Variants in DPP8 observed in about 807,000 individuals in gnomAD.
DPP8 encodes the protein dipeptidyl peptidase 8.
DPP8 carries 31 observed loss-of-function variants against 107.5 expected under a neutral mutation model. The observed-to-expected ratio is 0.29, with a 90% CI of 0.22 to 0.39. The LOEUF is 0.39. DPP8 is among the 10% of genes least tolerant of loss of function. DPP8 has a pLI of 1.00. For synonymous variants in DPP8, 381 were observed against 356.6 expected (o/e 1.07, Z -0.77); for missense variants, 842 against 1,076.1 (o/e 0.78, Z 3.04).
chr15:65,515,841 AC>A, intron 1 of DPP8: 1 of 706,744 alleles, frequency 1.4e-6, no homozygotes, highest in Non-Finnish European at 2.3e-6. Flanking sequence ...ATTAAGATGG[AC>A]CATATGTGGC....
intron 3 of DPP8, 111 bp downstream of exon 3, chr15:65,507,132 T>G: frequency 1.8e-6 from 1 of 550,642 alleles, no homozygotes; most frequent in Non-Finnish European, 3.1e-6. Context: ...CATAAAAACA[T>G]CTTAATTTTT....
At chr15:65,448,700 TATATAAAATGTAC>T (rs2063669471) in intron 19 of DPP8, among the ~76,000 whole-genome samples, 2 of 136,144 alleles carry the variant, frequency 1.5e-5, no homozygotes, top group African/African-American at 5.5e-5. Context: ...AATATATATA[TATATAAAATGTAC>T]ATATATATAT....
chr15:65,454,189 C>T (rs2064212466), intron 17 of DPP8, 74 bp downstream of exon 17: 2 of 984,186 alleles, frequency 2.0e-6, no homozygotes, highest in African/African-American at 3.5e-5. Context: ...AGAAAATAGA[C>T]ATTTTCATAT....
intron 5 of DPP8, among the ~76,000 whole-genome samples, chr15:65,492,648 C>T (rs950333339): frequency 1.3e-5 from 2 of 152,052 alleles, no homozygotes; most frequent in South Asian, 4.2e-4. Flanking sequence ...AAGGGTAGAG[C>T]GCAGGGGTGA....
intron 19 of DPP8, among the ~76,000 whole-genome samples, chr15:65,450,071 A>T (rs1595842303): frequency 1.1e-5 from 1 of 94,930 alleles, no homozygotes; most frequent in African/African-American, 3.6e-5. Flanking sequence ...CAGTTCAAGC[A>T]GTTCTCCTGC....
intron 18 of DPP8, 150 bp from the exon 19 acceptor site, chr15:65,451,260 CATATT>C (rs2063954457): frequency 1.7e-6 from 1 of 575,124 alleles, no homozygotes; most frequent in South Asian, 2.3e-5. Flanking sequence ...AAATTTGTAA[CATATT>C]AACCAGATGC....
At chr15:65,462,963 A>C (rs1370281505) in intron 15 of DPP8, among the ~76,000 whole-genome samples, 3 of 152,208 alleles carry the variant, frequency 2.0e-5, no homozygotes, top group East Asian at 3.8e-4. Context: ...TCAAGGTATA[A>C]ACTTCTTACA....
In DPP8 at chr15:65,517,583, T is replaced by C. The variant is rs951654785; in HGVS notation, c.-109A>G. The C allele has an allele frequency of 6.6e-6, 1 of 152,416 alleles. No individual in the cohort carries two copies. The highest frequency in any genetic ancestry group is 1.5e-5 in the Non-Finnish European group (1 of 68,190). 9.4% of individuals were successfully genotyped at this position (152,416 alleles called of 1,614,324 possible). ...GCCTCCACTCCGGTCCTGGTTGCAGTGGCTTCCTCGGCGGCGGCGCCGGTG... is the reference window on the plus strand; with the variant it reads ...GCCTCCACTCCGGTCCTGGTTGCAGCGGCTTCCTCGGCGGCGGCGCCGGTG... On this transcript the variant is annotated 5_prime_UTR_variant, in exon 1 of 20. Coordinates refer to ENST00000300141, the MANE Select transcript of DPP8 (RefSeq NM_130434.5).
intron 6 of DPP8, 134 bp from the exon 7 acceptor site, chr15:65,487,952 G>A (rs1276486607): frequency 3.1e-6 from 2 of 645,476 alleles, no homozygotes; most frequent in Non-Finnish European, 5.2e-6. Flanking sequence ...CTTTTTTGTA[G>A]GAAAATATCA....
At chr15:65,454,805 G>A (rs1375136470) in intron 16 of DPP8, among the ~76,000 whole-genome samples, 4 of 152,146 alleles carry the variant, frequency 2.6e-5, no homozygotes, top group Non-Finnish European at 5.9e-5. Flanking sequence ...GATTACAGGC[G>A]TGAGCCACCA....
At chr15:65,508,205 A>C (rs2070313285) in intron 2 of DPP8, among the ~76,000 whole-genome samples, 1 of 151,894 alleles carries the variant, frequency 6.6e-6, no homozygotes, top group Admixed American at 6.6e-5. Context: ...ACACCACTGC[A>C]CTCTGGCCTG....
intron 7 of DPP8, among the ~76,000 whole-genome samples, chr15:65,487,167 G>A (rs1357157786): frequency 1.3e-5 from 2 of 148,176 alleles, no homozygotes; most frequent in African/African-American, 5.0e-5. Context: ...TTTTTTTTCT[G>A]AGATAGAGTT....
intron 2 of DPP8, among the ~76,000 whole-genome samples, chr15:65,507,730 T>C (rs2070242444): frequency 6.6e-6 from 1 of 151,956 alleles, no homozygotes; most frequent in Admixed American, 6.6e-5. Context: ...TATTCAGATC[T>C]TAGTCCCTCT....
chr15:65,453,370 C>T (rs958747701), intron 17 of DPP8, among the ~76,000 whole-genome samples: 1 of 152,126 alleles, frequency 6.6e-6, no homozygotes, highest in Non-Finnish European at 1.5e-5. Context: ...TATCTATAAA[C>T]AGCCAGTAAC....
chr15:65,508,836 G>A (rs1189779801), intron 2 of DPP8, among the ~76,000 whole-genome samples: 3 of 151,746 alleles, frequency 2.0e-5, no homozygotes, highest in Non-Finnish European at 2.9e-5. Flanking sequence ...TGGGCAACAG[G>A]GGCAAAACTC....
At position 65,466,893 on chromosome 15, in the gene DPP8, T is replaced by C. The variant is rs73480741; in HGVS notation, c.1690-80A>G. 1.6e-3 allele frequency: 2,290 copies of C among 1,441,694 alleles called. 33 individuals are homozygous for C. The African/African-American group carries it at 0.03, about 19-fold the overall frequency. 89.3% of individuals were successfully genotyped at this position (1,441,694 alleles called of 1,614,324 possible). ...TGCTGTTACATCTGCACTAATGATA[T>C]AGCAAGAGTATTATAAGAGACTATT... is the stretch of plus-strand genomic sequence containing the variant. On this transcript the variant is annotated intron_variant, in intron 13 of 19. Transcript: ENST00000300141.
chr15:65,500,668 A>G lies in DPP8; in HGVS notation c.484T>C (p.Phe162Leu), dbSNP rs145499883. 19 of 1,613,874 alleles carry G rather than the reference A, an allele frequency of 1.2e-5. No individual in the cohort carries two copies. In the African/African-American group the frequency reaches 2.5e-4, roughly 22 times the overall value. The change falls in exon 4 of 20, where the codon TTT becomes CTT. Residue 162 changes from phenylalanine (F) to leucine (L), a missense_variant. This residue lies in a region of DPP8 where 663 missense variants were observed against 758.0 expected (regional missense o/e 0.87). Coordinates refer to ENST00000300141, the MANE Select transcript of DPP8 (RefSeq NM_130434.5). ...ATTCCACTACCGGCTTGAAACAGAAATGTTCCACTTCCTTGGTGATAATCG... is the reference window on the plus strand; with the variant it reads ...ATTCCACTACCGGCTTGAAACAGAAGTGTTCCACTTCCTTGGTGATAATCG... ...SYDYHQGSGTFLFQAGSGIYH... is the reference protein window; with the variant it reads ...SYDYHQGSGTLLFQAGSGIYH...
intron 3 of DPP8, among the ~76,000 whole-genome samples, chr15:65,504,109 T>G (rs928467362): frequency 2.0e-5 from 3 of 151,310 alleles, no homozygotes; most frequent in African/African-American, 7.3e-5. Context: ...ACGCCTGTAA[T>G]CCCAGCACTC....
chr15:65,496,094 C>T (rs1038514171), intron 5 of DPP8, among the ~76,000 whole-genome samples: 5 of 151,846 alleles, frequency 3.3e-5, no homozygotes, highest in African/African-American at 7.3e-5. Flanking sequence ...CATCATTCTC[C>T]TGCCTTGGCC....
Sources: gnomAD v4.1 joint callset for allele counts (sites outside exome capture counted in the v4.1 genomes callset) on GRCh38, gnomAD v4.1.1 for gene constraint, gnomAD v4.1.1 regional missense constraint, MANE v1.5 for transcripts, NCBI Gene and HGNC (gene_info 2026-07-23, HGNC 2026-07-21) for gene names.